PVT1: variants seen among roughly 807,000 people sequenced by gnomAD.
PVT1 encodes CXCR4/PVT1 fusion.
chr8:128,088,841 G>A (rs1389403690), intron 5 of PVT1, among the ~76,000 whole-genome samples: 1 of 152,242 alleles, frequency 6.6e-6, no homozygotes, highest in Admixed American at 6.5e-5. Context: ...TATTTTGCTA[G>A]TTGTGTAGAC....
chr8:127,817,423 T>TAC (rs563187108), intron 2 of PVT1, among the ~76,000 whole-genome samples: 2 of 129,032 alleles, frequency 1.6e-5, no homozygotes, highest in Non-Finnish European at 3.4e-5. Context: ...TTTAAATAGA[T>TAC]ATATATATAT....
intron 4 of PVT1, among the ~76,000 whole-genome samples, chr8:128,011,995 G>T (rs1398518781): frequency 6.6e-6 from 1 of 152,150 alleles, no homozygotes; most frequent in South Asian, 2.1e-4. Context: ...ACCCCATAAG[G>T]TCACTTAGTC....
chr8:128,040,938 G>A (rs1373813466), intron 4 of PVT1, among the ~76,000 whole-genome samples: 4 of 151,322 alleles, frequency 2.6e-5, no homozygotes, highest in Non-Finnish European at 5.9e-5. Flanking sequence ...TTGTATATGT[G>A]TGTGTTTTCT....
At chr8:128,083,071 A>G (rs1814207849) in intron 5 of PVT1, among the ~76,000 whole-genome samples, 1 of 152,218 alleles carries the variant, frequency 6.6e-6, no homozygotes, top group African/African-American at 2.4e-5. Context: ...TTCCAGAGCA[A>G]GAGTTCCTGG....
chr8:127,946,499 G>A (rs1353038257), intron 3 of PVT1: 1 of 152,274 alleles, frequency 6.6e-6, no homozygotes, highest in Non-Finnish European at 1.5e-5. Flanking sequence ...AGAAAGTGCT[G>A]ATTTCCAAGA....
At chr8:127,859,897 TGA>T (rs1815200881) in intron 2 of PVT1, among the ~76,000 whole-genome samples, 1 of 151,946 alleles carries the variant, frequency 6.6e-6, no homozygotes, top group Non-Finnish European at 1.5e-5. Context: ...GCAGAGAGGC[TGA>T]GTCATACAGA....
At chr8:127,918,322 G>A (rs369314461) in intron 3 of PVT1, among the ~76,000 whole-genome samples, 2 of 152,338 alleles carry the variant, frequency 1.3e-5, no homozygotes, top group African/African-American at 4.8e-5. Flanking sequence ...CAGGGAAAGA[G>A]TGTGGATCTT....
chr8:128,018,082 C>A (rs1817394024), intron 4 of PVT1, among the ~76,000 whole-genome samples: 1 of 152,214 alleles, frequency 6.6e-6, no homozygotes, highest in African/African-American at 2.4e-5. Flanking sequence ...AAAATAGCTT[C>A]AATCTCCTGT....
At chr8:127,928,636 G>A (rs990017237) in intron 3 of PVT1, among the ~76,000 whole-genome samples, 1 of 152,202 alleles carries the variant, frequency 6.6e-6, no homozygotes, top group Admixed American at 6.5e-5. Flanking sequence ...CCCCCAGAGG[G>A]GTGCGGTGAG....
chr8:128,024,201 C>T (rs957951142), intron 4 of PVT1, among the ~76,000 whole-genome samples: 5 of 152,104 alleles, frequency 3.3e-5, no homozygotes, highest in Non-Finnish European at 7.4e-5. Flanking sequence ...AGTGGCCTGC[C>T]GAAGGCTACA....
At chr8:127,846,218 A>C (rs1815032198) in intron 2 of PVT1, among the ~76,000 whole-genome samples, 1 of 151,618 alleles carries the variant, frequency 6.6e-6, no homozygotes, top group Non-Finnish European at 1.5e-5. Flanking sequence ...GAATGGAAAG[A>C]AAGAACAGGT....
intron 2 of PVT1, among the ~76,000 whole-genome samples, chr8:127,809,863 G>A (rs1033908402): frequency 6.6e-6 from 1 of 152,152 alleles, no homozygotes; most frequent in African/African-American, 2.4e-5. Context: ...GCCAATCTTC[G>A]CACTTAGAGA....
At chr8:128,003,962 T>C (rs1226786203) in intron 4 of PVT1, among the ~76,000 whole-genome samples, 1 of 152,274 alleles carries the variant, frequency 6.6e-6, no homozygotes, top group Non-Finnish European at 1.5e-5. Flanking sequence ...GGGGCTCTCC[T>C]CTTGGCTTGC....
chr8:127,809,501 A>ACCTC (rs1326942316), intron 2 of PVT1, among the ~76,000 whole-genome samples: 6 of 152,118 alleles, frequency 3.9e-5, no homozygotes, highest in Non-Finnish European at 8.8e-5. Context: ...GCTCTATGGA[A>ACCTC]GGTTTTGAGG....
At chr8:127,949,715 C>T (rs1816480465) in intron 3 of PVT1, among the ~76,000 whole-genome samples, 1 of 152,208 alleles carries the variant, frequency 6.6e-6, no homozygotes, top group South Asian at 2.1e-4. Context: ...TCTCACTGGG[C>T]CCTCACTGCT....
At chr8:127,944,953 A>T (rs1453732036) in intron 3 of PVT1, among the ~76,000 whole-genome samples, 1 of 152,152 alleles carries the variant, frequency 6.6e-6, no homozygotes, top group East Asian at 1.9e-4. Context: ...TGGGCAAAGG[A>T]CATAGAAAAG....
At chr8:128,023,021 C>T (rs1817456127) in intron 4 of PVT1, among the ~76,000 whole-genome samples, 1 of 152,002 alleles carries the variant, frequency 6.6e-6, no homozygotes, top group African/African-American at 2.4e-5. Context: ...AGTGCACCAC[C>T]ACACCTGGCT....
intron 2 of PVT1, among the ~76,000 whole-genome samples, chr8:127,809,289 T>G (rs1347731509): frequency 6.6e-6 from 1 of 152,110 alleles, no homozygotes; most frequent in African/African-American, 2.4e-5. Flanking sequence ...CCCCCTGTGC[T>G]CAAGCAATCC....
At chr8:128,087,231 G>C (rs906043022) in intron 5 of PVT1, among the ~76,000 whole-genome samples, 1 of 152,116 alleles carries the variant, frequency 6.6e-6, no homozygotes. Context: ...GGCTGTAATC[G>C]TACCTTTTTA....
Sources: gnomAD v4.1 joint callset for allele counts (sites outside exome capture counted in the v4.1 genomes callset) on GRCh38, gnomAD v4.1.1 for gene constraint, MANE v1.5 for transcripts, NCBI Gene and HGNC (gene_info 2026-07-23, HGNC 2026-07-21) for gene names.